SESN3: variants seen among roughly 807,000 people sequenced by gnomAD.
The protein encoded by SESN3 is sestrin 3, also known as sestrin-3.
SESN3 carries 21 observed loss-of-function variants against 55.3 expected under a neutral mutation model. The observed-to-expected ratio is 0.38, with a 90% CI of 0.27 to 0.55. The LOEUF (loss-of-function observed/expected upper bound fraction) is 0.55, where lower values mean the gene tolerates loss of function less well. Among genes scored for constraint, SESN3 ranks in the 20% least tolerant of loss-of-function variants. The pLI, the probability that SESN3 is intolerant of heterozygous loss-of-function variation, is 0.76. For synonymous variants in SESN3, 181 were observed against 203.1 expected, an observed-to-expected ratio of 0.89 and a Z score of 0.93; for missense variants, 408 against 604.3, an observed-to-expected ratio of 0.68 and a Z score of 3.41.
intron 4 of SESN3, among the ~76,000 whole-genome samples, chr11:95,186,424 G>A (rs920841418): frequency 6.6e-6 from 1 of 151,762 alleles, no homozygotes; most frequent in Non-Finnish European, 1.5e-5. Flanking sequence ...ATTACCAAAA[G>A]CTCAGGGAAA....
chr11:95,198,201 C>T (rs905360146), intron 1 of SESN3, among the ~76,000 whole-genome samples: 7 of 152,150 alleles, frequency 4.6e-5, no homozygotes, highest in African/African-American at 1.7e-4. Flanking sequence ...AACCTTTCCC[C>T]TCACAAGTGA....
At chr11:95,232,389 A>G (rs1861088920), upstream of SESN3, 1 of 152,194 alleles carries the variant, frequency 6.6e-6, no homozygotes, top group Non-Finnish European at 1.5e-5. Flanking sequence ...CAGAGCGAGA[A>G]CCTGATTGGT....
intron 1 of SESN3, among the ~76,000 whole-genome samples, chr11:95,205,759 AT>A (rs1479712663): frequency 1.3e-5 from 2 of 152,180 alleles, no homozygotes; most frequent in Non-Finnish European, 2.9e-5. Context: ...TTTATTATAC[AT>A]TACACTCTAA....
intron 1 of SESN3, among the ~76,000 whole-genome samples, chr11:95,202,357 G>C (rs916055913): frequency 1.3e-5 from 2 of 152,002 alleles, no homozygotes; most frequent in Non-Finnish European, 2.9e-5. Flanking sequence ...GGAAATTAAT[G>C]TTCTCTGTAT....
At chr11:95,195,050 G>C (rs1269745235) in intron 1 of SESN3, among the ~76,000 whole-genome samples, 1 of 151,818 alleles carries the variant, frequency 6.6e-6, no homozygotes, top group Non-Finnish European at 1.5e-5. Context: ...TGATTATGAG[G>C]TTTGAGGAAA....
chr11:95,191,098 C>T (rs1317719609), intron 3 of SESN3, among the ~76,000 whole-genome samples: 1 of 151,904 alleles, frequency 6.6e-6, no homozygotes, highest in Non-Finnish European at 1.5e-5. Flanking sequence ...AACAAGATAT[C>T]AAGAGCAAAG....
chr11:95,229,355 G>C (rs1861007579), intron 1 of SESN3, among the ~76,000 whole-genome samples: 1 of 151,990 alleles, frequency 6.6e-6, no homozygotes, highest in Non-Finnish European at 1.5e-5. Flanking sequence ...TTTGATCCTA[G>C]AGTTTATGGA....
In SESN3 at chr11:95,230,998, A is replaced by C; in HGVS notation, c.-138T>G. 1 of 495,802 alleles carries C rather than the reference A, an allele frequency of 2.0e-6. No homozygotes were observed. Among genetic ancestry groups the C allele is most frequent in the Non-Finnish European group, 3.4e-6 (1 of 292,702 alleles). The allele number at this position is 495,802 out of a possible 1,614,324, so 30.7% of individuals were successfully genotyped here. A position where few individuals can be genotyped will look rare whatever the true frequency, so the allele number is the denominator to read the frequency against. On this transcript the variant is annotated 5_prime_UTR_variant, in exon 1 of 10. Coordinates refer to ENST00000536441, the MANE Select transcript of SESN3 (RefSeq NM_144665.4). The surrounding 1 kb of genome is among the most constrained non-coding windows in gnomAD (Gnocchi z 4.6). The stretch of plus-strand genomic sequence containing the variant: ...CTCCTCAAGGCGGGATGTCGGGAGG[A>C]GAGGCGACTGCCTGAAAGCTAGCGG...
intron 1 of SESN3, among the ~76,000 whole-genome samples, chr11:95,216,725 T>C (rs1238716225): frequency 1.7e-4 from 26 of 151,222 alleles, no homozygotes; most frequent in Admixed American, 1.7e-3. Flanking sequence ...TAAAATCACA[T>C]AGATATTAGC....
At chr11:95,193,939 G>A (rs926571707) in intron 1 of SESN3, among the ~76,000 whole-genome samples, 2 of 152,094 alleles carry the variant, frequency 1.3e-5, no homozygotes, top group Admixed American at 1.3e-4. Context: ...CAATTACCCA[G>A]TCTGCTTTTT....
At position 95,225,552 on chromosome 11, in the gene SESN3, C is replaced by G. The variant is rs374027272; in HGVS notation, c.78+5231G>C. 4.6e-5 allele frequency among the ~76,000 whole-genome samples: 7 copies of G among 152,202 alleles called. No individual in the cohort carries two copies. In the East Asian group the frequency reaches 9.6e-4, roughly 21 times the overall value. The stretch of plus-strand genomic sequence containing the variant: ...CAATATTGCAGAGGACAATTAGAAA[C>G]AGCTTATTACAAAGGCAGTATTAAG... On this transcript the variant is annotated intron_variant, in intron 1 of 9. Coordinates refer to ENST00000536441, the MANE Select transcript of SESN3 (RefSeq NM_144665.4).
chr11:95,173,110 G>A lies in SESN3; in HGVS notation c.*145C>T, dbSNP rs1458708897. On this transcript the variant is annotated 3_prime_UTR_variant, in exon 10 of 10. Coordinates refer to ENST00000536441, the MANE Select transcript of SESN3 (RefSeq NM_144665.4). ...AAACACATCATTGCACATTACAGCC[G>A]CAAAAAACAAAAAAAAAAAAACAAA... 42 of 480,052 alleles carry A rather than the reference G, an allele frequency of 8.7e-5. No individual in the cohort carries two copies. The highest frequency in any genetic ancestry group is 5.4e-4 in the Middle Eastern group (1 of 1,858). 29.7% of individuals were successfully genotyped at this position (480,052 alleles called of 1,614,324 possible).
intron 7 of SESN3, among the ~76,000 whole-genome samples, chr11:95,178,423 C>T (rs1859997720): frequency 6.6e-6 from 1 of 152,150 alleles, no homozygotes; most frequent in Non-Finnish European, 1.5e-5. Context: ...ACTTGTTTTC[C>T]TCTCTGTTCC....
At chr11:95,187,042 C>A (rs1193928976) in intron 4 of SESN3, among the ~76,000 whole-genome samples, 1 of 151,824 alleles carries the variant, frequency 6.6e-6, no homozygotes, top group Non-Finnish European at 1.5e-5. Flanking sequence ...TTGACATGTT[C>A]ATTTTTCATT....
At chr11:95,205,356 T>C (rs977811044) in intron 1 of SESN3, among the ~76,000 whole-genome samples, 1 of 152,054 alleles carries the variant, frequency 6.6e-6, no homozygotes, top group Non-Finnish European at 1.5e-5. Context: ...GCTGGGGAAA[T>C]ATGAGCTATT....
At position 95,198,595 on chromosome 11, in the gene SESN3, TAATA is replaced by T. The variant is rs1280697421; in HGVS notation, c.79-5077_79-5074del. On this transcript the variant is annotated intron_variant, in intron 1 of 9. Transcript: ENST00000536441. ...TGAATCTTATACAATGGCTTTTAAA[TAATA>T]AATCTTATTTATTTCTGTGAAAAAC... is the stretch of plus-strand genomic sequence containing the variant. 2.0e-5 allele frequency among the ~76,000 whole-genome samples: 3 copies of T among 152,348 alleles called. No homozygotes were observed. In the East Asian group the frequency reaches 5.8e-4, roughly 29 times the overall value.
At chr11:95,183,597 G>A (rs564413658) in intron 6 of SESN3, among the ~76,000 whole-genome samples, 3 of 150,162 alleles carry the variant, frequency 2.0e-5, no homozygotes, top group Admixed American at 1.3e-4. Context: ...CAAGAGAACC[G>A]CTTGAACCTA....
intron 1 of SESN3, among the ~76,000 whole-genome samples, chr11:95,211,089 A>G (rs980115951): frequency 6.6e-6 from 1 of 152,236 alleles, no homozygotes; most frequent in Non-Finnish European, 1.5e-5. Flanking sequence ...ATAATCATTA[A>G]TTACTTCCTG....
intron 5 of SESN3, 45 bp from the exon 6 acceptor site, chr11:95,184,639 T>C (rs747538431): frequency 3.0e-5 from 47 of 1,554,214 alleles, no homozygotes; most frequent in Non-Finnish European, 4.0e-5. Flanking sequence ...ATACTAAAAG[T>C]GTTCCAGTAA....
Sources: allele counts gnomAD v4.1 joint callset (sites outside exome capture counted in the v4.1 genomes callset), GRCh38; gene constraint gnomAD v4.1.1; non-coding constraint Gnocchi (gnomAD v3.1); transcripts MANE v1.5; gene names NCBI Gene and HGNC (gene_info 2026-07-23, HGNC 2026-07-21).